The following MMP15 variants were observed in gnomAD, a reference collection of about 807,000 sequenced individuals.
MMP15 encodes the protein matrix metalloproteinase-15.
A neutral mutation model predicts 65.0 loss-of-function variants in MMP15; 36 were observed. The ratio of observed to expected loss-of-function variants is 0.55; its 90% CI spans 0.42 to 0.73. MMP15 has a LOEUF of 0.73. Ranked by LOEUF, MMP15 falls within the 30% of genes least tolerant of loss-of-function variation. The pLI is 0.00. For synonymous variants in MMP15, 428 were observed against 410.2 expected, an observed-to-expected ratio of 1.04 and a Z score of -0.52; for missense variants, 870 against 987.8, an observed-to-expected ratio of 0.88 and a Z score of 1.60.
At position 58,045,163 on chromosome 16, in the gene MMP15, C is replaced by G. The variant is rs376877320; in HGVS notation, c.1727C>G (p.Pro576Arg). The change falls in exon 10 of 10, where the codon CCC becomes CGC. Residue 576 changes from proline (P) to arginine (R), a missense_variant. Transcript: ENST00000219271. ...CGATGGCCCGACGTGGCCCGGCCGCCCTTCAACCCCCACGGGGGTGCAGAG... is the reference window on the plus strand; with the variant it reads ...CGATGGCCCGACGTGGCCCGGCCGCGCTTCAACCCCCACGGGGGTGCAGAG... ...GPRWPDVARP[P>R]FNPHGGAEPG... 1 of 1,595,324 alleles carries G rather than the reference C, an allele frequency of 6.3e-7. No homozygotes were observed. Among genetic ancestry groups the G allele is most frequent in the Non-Finnish European group, 8.5e-7 (1 of 1,171,460 alleles).
chr16:58,037,123 CAGG>C (rs544762478), intron 1 of MMP15, among the ~76,000 whole-genome samples: 2 of 152,346 alleles, frequency 1.3e-5, no homozygotes, highest in East Asian at 3.8e-4. Context: ...GGCCCTGCGG[CAGG>C]AGCATGCCCG....
chr16:58,038,216 G>T (rs1959374579), intron 2 of MMP15, 50 bp from the exon 3 acceptor site: 7 of 1,601,702 alleles, frequency 4.4e-6, no homozygotes, highest in Non-Finnish European at 6.0e-6. Flanking sequence ...AGAACAGGCA[G>T]GTGTGTGGAG....
chr16:58,035,128 G>T (rs1959304498), intron 1 of MMP15, among the ~76,000 whole-genome samples: 1 of 152,212 alleles, frequency 6.6e-6, no homozygotes, highest in Non-Finnish European at 1.5e-5. Flanking sequence ...GAGCATCATG[G>T]CCTCGCCTTC....
chr16:58,040,040 C>T lies in MMP15; in HGVS notation c.606C>T (p.Ala202=). The change falls in exon 4 of 10, where the codon GCC becomes GCT. Residue 202 remains alanine, a synonymous_variant. Transcript: ENST00000219271. ...AGGCCGACATCATGGTACTCTTTGC[C>T]TCTGGCTTCCACGGCGACAGCTCGC... ...QKEADIMVLF[A]SGFHGDSSPF... The T allele has an allele frequency of 6.2e-7, 1 of 1,614,172 alleles. No individual in the cohort carries two copies. Among genetic ancestry groups the T allele is most frequent in the East Asian group, 2.2e-5 (1 of 44,888 alleles).
chr16:58,040,944 G>T, intron 5 of MMP15: 1 of 596,378 alleles, frequency 1.7e-6, no homozygotes. Context: ...AAGGGACACA[G>T]GTTCTTCATG....
chr16:58,033,560 C>T (rs978348619), intron 1 of MMP15, among the ~76,000 whole-genome samples: 2 of 152,206 alleles, frequency 1.3e-5, no homozygotes, highest in East Asian at 3.9e-4. Flanking sequence ...TATCTCCTTG[C>T]CACTTACCTG....
chr16:58,036,278 C>T (rs1319206723), intron 1 of MMP15, among the ~76,000 whole-genome samples: 2 of 152,224 alleles, frequency 1.3e-5, no homozygotes, highest in Admixed American at 6.5e-5. Flanking sequence ...ATGAAGCAGG[C>T]AGGGCAGAAT....
chr16:58,033,325 C>T (rs992326672), intron 1 of MMP15, among the ~76,000 whole-genome samples: 14 of 152,254 alleles, frequency 9.2e-5, no homozygotes, highest in Admixed American at 5.9e-4. Flanking sequence ...ATAGCCCCAG[C>T]TCCAGCCCAG....
chr16:58,031,759 C>T (rs1425697513), intron 1 of MMP15, among the ~76,000 whole-genome samples: 1 of 150,720 alleles, frequency 6.6e-6, no homozygotes, highest in Non-Finnish European at 1.5e-5. Context: ...TAATCCCAGA[C>T]TAAGCATGTG....
intron 5 of MMP15, 149 bp downstream of exon 5, chr16:58,040,847 A>C: frequency 8.3e-7 from 1 of 1,203,156 alleles, no homozygotes; most frequent in Non-Finnish European, 1.2e-6. Context: ...TGGGGAATAA[A>C]TGGTGGTACT....
rs543179195 is a variant in MMP15, at chr16:58,039,213, A to C, written c.441-662A>C. Among the ~76,000 whole-genome samples the C allele has an allele frequency of 3.9e-5, 6 of 152,374 alleles. No homozygotes were observed. In the South Asian group the frequency reaches 1.2e-3, roughly 32 times the overall value. ...TTTGGGAGGCCAAAGTGGGTGGATCAGCTGAGGTCGGGAGTTCGAAACCAG... is the reference window on the plus strand; with the variant it reads ...TTTGGGAGGCCAAAGTGGGTGGATCCGCTGAGGTCGGGAGTTCGAAACCAG... On this transcript the variant is annotated intron_variant, in intron 3 of 9. Transcript: ENST00000219271.
At chr16:58,040,872 G>C (rs976927431) in intron 5 of MMP15, 174 bp downstream of exon 5, 2 of 1,009,556 alleles carry the variant, frequency 2.0e-6, no homozygotes, top group Admixed American at 2.0e-5. Context: ...ATGAAACCCA[G>C]GGCAGGCTGC....
intron 9 of MMP15, among the ~76,000 whole-genome samples, 171 bp from the exon 10 acceptor site, chr16:58,044,836 T>C (rs1959522198): frequency 6.6e-6 from 1 of 152,218 alleles, no homozygotes; most frequent in Non-Finnish European, 1.5e-5. Context: ...CCCAAAGCCC[T>C]CTGAGCCTCA....
chr16:58,041,744 G>A lies in MMP15; in HGVS notation c.1038G>A (p.Arg346=). 1.3e-6 allele frequency: 2 copies of A among 1,598,088 alleles called. No individual in the cohort carries two copies. The highest frequency in any genetic ancestry group is 1.7e-6 in the Non-Finnish European group (2 of 1,172,142). Residue 346 remains arginine (R), a synonymous_variant, in exon 6 of 10, where the codon CGG becomes CGA. Coordinates refer to ENST00000219271, the MANE Select transcript of MMP15 (RefSeq NM_002428.4). ...QPPPPGGKPE[R]PPKPGPPVQP... ...CACCCCCAGGTGGGAAGCCAGAGCGGCCCCCAAAGCCGGGCCCCCCAGTCC... is the reference window on the plus strand; with the variant it reads ...CACCCCCAGGTGGGAAGCCAGAGCGACCCCCAAAGCCGGGCCCCCCAGTCC...
At chr16:58,042,115 T>A (rs2142330881) in intron 6 of MMP15, 116 bp from the exon 7 acceptor site, 1 of 1,339,448 alleles carries the variant, frequency 7.5e-7, no homozygotes, top group Non-Finnish European at 1.0e-6. Flanking sequence ...TGCCTCAGTA[T>A]CTCAGTGTCC....
rs935907463 is a variant in MMP15, at chr16:58,026,326, C to T, written c.-25C>T. ...GTGCGAGGATCCGGCGTGCAGTGTT[C>T]CGAGCTGGGCTGGGCGCCGAGAGCA... On this transcript the variant is annotated 5_prime_UTR_variant, in exon 1 of 10. Coordinates refer to ENST00000219271, the MANE Select transcript of MMP15 (RefSeq NM_002428.4). The T allele has an allele frequency of 2.3e-6, 3 of 1,320,392 alleles. No homozygotes were observed. Among genetic ancestry groups the T allele is most frequent in the Admixed American group, 8.4e-5 (2 of 23,930 alleles). The allele number at this position is 1,320,392 out of a possible 1,614,324, so 81.8% of individuals were successfully genotyped here. A position where few individuals can be genotyped will look rare whatever the true frequency, so the allele number is the denominator to read the frequency against.
At position 58,040,187 on chromosome 16, in the gene MMP15, G is replaced by A; in HGVS notation, c.748+5G>A. The A allele has an allele frequency of 6.2e-7, 1 of 1,600,290 alleles. No homozygotes were observed. The highest frequency in any genetic ancestry group is 8.5e-7 in the Non-Finnish European group (1 of 1,173,482). On this transcript the variant is annotated splice_donor_5th_base_variant and intron_variant, in intron 4 of 9. Coordinates refer to ENST00000219271, the MANE Select transcript of MMP15 (RefSeq NM_002428.4). ...TCTCCAGCACTGACCTGCATGGTGA[G>A]GACAGCTGGCCAGGGTGAGGGGCAG...
At position 58,039,910 on chromosome 16, in the gene MMP15, A is replaced by C. The variant is rs1183805538; in HGVS notation, c.476A>C (p.His159Pro). 1 of 1,609,070 alleles carries C rather than the reference A, an allele frequency of 6.2e-7. No individual in the cohort carries two copies. The highest frequency in any genetic ancestry group is 8.5e-7 in the Non-Finnish European group (1 of 1,176,484). ...QNYTEKLGWY[H>P]SMEAVRRAFR... The stretch of plus-strand genomic sequence containing the variant: ...TACACGGAGAAGTTGGGCTGGTACC[A>C]CTCGATGGAGGCGGTGCGCAGGGCC... The change falls in exon 4 of 10, where the codon CAC (histidine) becomes CCC (proline). Residue 159 changes from histidine to proline, a missense_variant. Transcript: ENST00000219271.
chr16:58,038,994 G>C (rs1012531598), intron 3 of MMP15, among the ~76,000 whole-genome samples: 6 of 152,182 alleles, frequency 3.9e-5, no homozygotes, highest in Admixed American at 3.3e-4. Flanking sequence ...CTAGCACACA[G>C]AGCTGAATCT....
Sources: allele counts gnomAD v4.1 joint callset (sites outside exome capture counted in the v4.1 genomes callset), GRCh38; gene constraint gnomAD v4.1.1; transcripts MANE v1.5; gene names NCBI Gene and HGNC (gene_info 2026-07-23, HGNC 2026-07-21).